Variants in ZEB2 observed in about 807,000 individuals in gnomAD.
The protein encoded by ZEB2 is zinc finger E-box binding homeobox 2.
In ZEB2, 6 loss-of-function variants were observed where a neutral mutation model predicts 99.9. The ratio of observed to expected loss-of-function variants is 0.06; its 90% CI spans 0.03 to 0.12. ZEB2 has a LOEUF of 0.12. Among genes scored for constraint, ZEB2 ranks in the 10% least tolerant of loss-of-function variants. The pLI is 1.00. For missense variants in ZEB2, 969 were observed against 1,502.8 expected (o/e 0.64, Z 5.87); for synonymous variants, 517 against 542.5 (o/e 0.95, Z 0.65).
In ZEB2 at chr2:144,498,010, T is replaced by C. The variant is rs189935324; in HGVS notation, c.73+19268A>G. 1.5e-3 allele frequency among the ~76,000 whole-genome samples: 36 copies of C among 24,204 alleles called. 8 individuals are homozygous for C. The highest frequency in any genetic ancestry group is 5.2e-3 in the African/African-American group (31 of 5,946). 15.9% of individuals were successfully genotyped at this position (24,204 alleles called of 152,430 possible). ...TATTAATATTATATATTATATAATA[T>C]ATTAATATTATATATTATATAATAT... On this transcript the variant is annotated intron_variant, in intron 2 of 9. Coordinates refer to ENST00000627532, the MANE Select transcript of ZEB2 (RefSeq NM_014795.4).
At position 144,457,072 on chromosome 2, in the gene ZEB2, C is replaced by T. The variant is rs976688677; in HGVS notation, c.74-27046G>A. 3.3e-5 allele frequency among the ~76,000 whole-genome samples: 5 copies of T among 152,142 alleles called. No individual in the cohort carries two copies. In the South Asian group the frequency reaches 6.2e-4, roughly 19 times the overall value. ...ATATAGAAGACAATGCATTTTTAGT[C>T]CCTATAGACTTTCTATAACGTCTAC... On this transcript the variant is annotated intron_variant, in intron 2 of 9. Coordinates refer to ENST00000627532, the MANE Select transcript of ZEB2 (RefSeq NM_014795.4).
chr2:144,389,812 G>A lies in ZEB2; in HGVS notation c.3284C>T (p.Ala1095Val). ...AEEREAAERE[A>V]REKGHLEPTE... Reference sequence around the variant, plus strand: ...GGGTTCCAAGTGCCCTTTCTCGCGCGCCTCGCGCTCCGCCGCTTCCCGCTC... The same window carrying A: ...GGGTTCCAAGTGCCCTTTCTCGCGCACCTCGCGCTCCGCCGCTTCCCGCTC... The change falls in exon 10 of 10, where the codon GCG becomes GTG. Residue 1095 changes from alanine to valine, a missense_variant. This residue lies in a region of ZEB2 where 121 missense variants were observed against 166.4 expected (regional missense o/e 0.73). Coordinates refer to ENST00000627532, the MANE Select transcript of ZEB2 (RefSeq NM_014795.4). This position sits in a 1 kb window ranked among gnomAD's most constrained non-coding sequence, Gnocchi z 6.8. 1 of 1,612,530 alleles carries A rather than the reference G, an allele frequency of 6.2e-7. No homozygotes were observed. The highest frequency in any genetic ancestry group is 8.5e-7 in the Non-Finnish European group (1 of 1,178,908).
chr2:144,468,783 C>T (rs1410218769), intron 2 of ZEB2, among the ~76,000 whole-genome samples: 1 of 152,082 alleles, frequency 6.6e-6, no homozygotes, highest in East Asian at 1.9e-4. Context: ...TTCTGGGATG[C>T]TGTTTCTACC....
intron 2 of ZEB2, among the ~76,000 whole-genome samples, chr2:144,443,918 A>G (rs1703950234): frequency 6.6e-6 from 1 of 152,214 alleles, no homozygotes; most frequent in Admixed American, 6.5e-5. Context: ...TCTTCAGATG[A>G]CATAGCAATT....
At chr2:144,510,186 C>T (rs1196575311) in intron 2 of ZEB2, among the ~76,000 whole-genome samples, 1 of 151,816 alleles carries the variant, frequency 6.6e-6, no homozygotes, top group Non-Finnish European at 1.5e-5. Context: ...TTCTTCTTGG[C>T]TTTTTTCCCC....
At chr2:144,497,057 C>G (rs944757098) in intron 2 of ZEB2, among the ~76,000 whole-genome samples, 4 of 152,170 alleles carry the variant, frequency 2.6e-5, no homozygotes, top group African/African-American at 9.7e-5. Context: ...GCTGACAATG[C>G]CTGCGCTGTT....
intron 2 of ZEB2, among the ~76,000 whole-genome samples, chr2:144,484,553 G>A (rs951884482): frequency 5.3e-5 from 8 of 152,302 alleles, no homozygotes; most frequent in African/African-American, 1.9e-4. Flanking sequence ...GGCTTCTTCT[G>A]TATTTCTCCC....
At position 144,396,481 on chromosome 2, in the gene ZEB2, C is replaced by G; in HGVS notation, c.2998G>C (p.Ala1000Pro). 6.2e-7 allele frequency: 1 copy of G among 1,614,130 alleles called. No homozygotes were observed. The highest frequency in any genetic ancestry group is 8.5e-7 in the Non-Finnish European group (1 of 1,180,000). The change falls in exon 9 of 10, where the codon GCA becomes CCA. Residue 1000 changes from alanine to proline, a missense_variant. By Grantham distance (27) the Ala-to-Pro change is conservative. This residue lies in a region of ZEB2 where 17 missense variants were observed against 116.9 expected (regional missense o/e 0.15). Coordinates refer to ENST00000627532, the MANE Select transcript of ZEB2 (RefSeq NM_014795.4). ...AATGTCTTGTCACATAAGTCACATG[C>G]ATACATGCCACTCTCTGTCTTCTTG... ...KIKKTESGMY[A>P]CDLCDKTFQK...
At chr2:144,450,918 T>G (rs937567286) in intron 2 of ZEB2, among the ~76,000 whole-genome samples, 1 of 152,224 alleles carries the variant, frequency 6.6e-6, no homozygotes, top group African/African-American at 2.4e-5. Context: ...CCTCAGGTGA[T>G]CCGCCTGCCT....
chr2:144,446,686 CAT>C (rs1370582421), intron 2 of ZEB2, among the ~76,000 whole-genome samples: 6 of 152,000 alleles, frequency 3.9e-5, no homozygotes, highest in African/African-American at 1.2e-4. Flanking sequence ...AAAACTTCCA[CAT>C]ATGAGTTTGA....
rs570280023 is a variant in ZEB2, at chr2:144,388,221, G to T, written c.*1230C>A. ...GAAAATACAGTGTTTTCACAAGATC[G>T]TATCAAAAGTTCCCAAATTTGGAAT... On this transcript the variant is annotated 3_prime_UTR_variant, in exon 10 of 10. Transcript: ENST00000627532. The surrounding 1 kb of genome is among the most constrained non-coding windows in gnomAD (Gnocchi z 5.4). 2 of 152,254 alleles carry T rather than the reference G, an allele frequency of 1.3e-5. No homozygotes were observed. Among genetic ancestry groups the T allele is most frequent in the Non-Finnish European group, 2.9e-5 (2 of 67,954 alleles). 9.4% of individuals were successfully genotyped at this position (152,254 alleles called of 1,614,324 possible).
At chr2:144,519,570 C>T (rs146674117) in intron 1 of ZEB2, 121 of 185,438 alleles carry the variant, frequency 6.5e-4, no homozygotes, top group African/African-American at 2.6e-3. Context: ...GAAAATAGAG[C>T]AGGACCTCTC....
chr2:144,455,631 G>T (rs1193303877), intron 2 of ZEB2, among the ~76,000 whole-genome samples: 2 of 152,118 alleles, frequency 1.3e-5, no homozygotes, highest in Non-Finnish European at 2.9e-5. Flanking sequence ...ACTCTTCTAT[G>T]TAAACACTAT....
chr2:144,450,823 C>T (rs1240637711), intron 2 of ZEB2, among the ~76,000 whole-genome samples: 8 of 152,068 alleles, frequency 5.3e-5, no homozygotes, highest in Admixed American at 5.2e-4. Context: ...TTACAGGCGC[C>T]CACCACCACG....
intron 2 of ZEB2, among the ~76,000 whole-genome samples, chr2:144,501,713 G>A (rs1022887252): frequency 1.3e-5 from 2 of 152,134 alleles, no homozygotes; most frequent in Non-Finnish European, 1.5e-5. Flanking sequence ...ACCCCAAACT[G>A]ATGCCAAAAT....
chr2:144,503,656 A>G (rs1413336190), intron 2 of ZEB2: 1 of 152,136 alleles, frequency 6.6e-6, no homozygotes, highest in Non-Finnish European at 1.5e-5. Flanking sequence ...AAATGTTCTC[A>G]GGCAAAGGAA....
intron 2 of ZEB2, among the ~76,000 whole-genome samples, chr2:144,440,230 T>C (rs1021081087): frequency 9.9e-5 from 15 of 152,270 alleles, no homozygotes; most frequent in Admixed American, 2.0e-4. Context: ...GCTTTGCATA[T>C]GTCAAACTCA....
chr2:144,466,635 G>C (rs538982207), intron 2 of ZEB2, among the ~76,000 whole-genome samples: 25 of 152,276 alleles, frequency 1.6e-4, no homozygotes, highest in African/African-American at 5.5e-4. Context: ...AGTCAGTACT[G>C]TATTAATAAG....
At position 144,411,125 on chromosome 2, in the gene ZEB2, C is replaced by T. The variant is rs1222496266; in HGVS notation, c.404-6101G>A. Reference sequence around the variant, plus strand: ...TGTATAATAGGGCATCTCATATATACACACACACACACACACACACACACG... The same window carrying T: ...TGTATAATAGGGCATCTCATATATATACACACACACACACACACACACACG... On this transcript the variant is annotated intron_variant, in intron 4 of 9. Transcript: ENST00000627532. Among the ~76,000 whole-genome samples, 10 of 120,588 alleles carry T rather than the reference C, an allele frequency of 8.3e-5. No homozygotes were observed. The South Asian group carries it at 9.0e-4, about 11-fold the overall frequency. The allele number at this position is 120,588 out of a possible 152,430, so 79.1% of individuals were successfully genotyped here.
Sources: gnomAD v4.1 joint callset for allele counts (sites outside exome capture counted in the v4.1 genomes callset) on GRCh38, gnomAD v4.1.1 for gene constraint, gnomAD v4.1.1 regional missense constraint, Gnocchi (gnomAD v3.1) non-coding constraint, MANE v1.5 for transcripts, NCBI Gene and HGNC (gene_info 2026-07-23, HGNC 2026-07-21) for gene names.